GMDS: variants seen among roughly 807,000 people sequenced by gnomAD.
GMDS encodes GDP-mannose 4,6 dehydratase.
In GMDS, 20 loss-of-function variants were observed where a neutral mutation model predicts 49.9. The ratio of observed to expected loss-of-function variants is 0.40; its 90% CI spans 0.28 to 0.58. The LOEUF (loss-of-function observed/expected upper bound fraction) is 0.58, where lower values mean the gene tolerates loss of function less well. GMDS is among the 20% of genes least tolerant of loss of function. GMDS has a pLI of 0.42. For synonymous variants in GMDS, 177 were observed against 178.6 expected (o/e 0.99, Z 0.07); for missense variants, 362 against 481.4 (o/e 0.75, Z 2.32).
chr6:2,105,181 C>CAAAAAAA (rs530164439), intron 4 of GMDS, among the ~76,000 whole-genome samples: 21 of 64,402 alleles, frequency 3.3e-4, no homozygotes, highest in African/African-American at 5.4e-4. Flanking sequence ...GACTCCGTCT[C>CAAAAAAA]AAAAAAAAAA....
At chr6:1,745,788 T>C (rs138333319) in intron 7 of GMDS, among the ~76,000 whole-genome samples, 670 of 152,342 alleles carry the variant, frequency 4.4e-3, no homozygotes, top group Admixed American at 9.2e-3. Context: ...AACAGAGGGA[T>C]AGGGCTTTGT....
At chr6:1,952,259 C>T (rs1471983709) in intron 6 of GMDS, 1 of 152,100 alleles carries the variant, frequency 6.6e-6, no homozygotes, top group Non-Finnish European at 1.5e-5. Context: ...AAAATAGTAT[C>T]TAATGGCTTA....
chr6:2,091,084 T>C (rs922839641), intron 4 of GMDS, among the ~76,000 whole-genome samples: 8 of 152,208 alleles, frequency 5.3e-5, no homozygotes, highest in Admixed American at 2.0e-4. Flanking sequence ...GTTTATAGTA[T>C]GGAAGACTTC....
intron 9 of GMDS, among the ~76,000 whole-genome samples, chr6:1,693,621 G>A (rs572308382): frequency 6.6e-6 from 1 of 152,296 alleles, no homozygotes; most frequent in Admixed American, 6.5e-5. Flanking sequence ...GGGCAGGAGG[G>A]CAAATCTGTC....
At chr6:1,954,842 C>T (rs187319340) in intron 6 of GMDS, among the ~76,000 whole-genome samples, 36 of 152,164 alleles carry the variant, frequency 2.4e-4, no homozygotes, top group African/African-American at 6.0e-4. Context: ...TCTCAGGGAA[C>T]GGGGCGGCGG....
At chr6:1,927,703 G>C (rs1356426944) in intron 7 of GMDS, among the ~76,000 whole-genome samples, 1 of 152,194 alleles carries the variant, frequency 6.6e-6, no homozygotes, top group African/African-American at 2.4e-5. Context: ...TTGGCATTTG[G>C]GAAGTGAGAT....
intron 1 of GMDS, among the ~76,000 whole-genome samples, chr6:2,233,545 C>T (rs1267602383): frequency 6.6e-6 from 1 of 152,206 alleles, no homozygotes; most frequent in Non-Finnish European, 1.5e-5. Context: ...CAGGGCTTGC[C>T]GTGGTGGCTT....
chr6:1,933,530 T>C (rs1417859636), intron 6 of GMDS, among the ~76,000 whole-genome samples: 1 of 152,210 alleles, frequency 6.6e-6, no homozygotes, highest in East Asian at 1.9e-4. Flanking sequence ...TCCCCAGTAC[T>C]TGTTATGGTC....
chr6:2,102,260 A>C (rs1773969524), intron 4 of GMDS, among the ~76,000 whole-genome samples: 1 of 152,168 alleles, frequency 6.6e-6, no homozygotes, highest in South Asian at 2.1e-4. Context: ...TTAAAAGCCC[A>C]TTTAAAAATT....
At position 1,988,355 on chromosome 6, in the gene GMDS, TAA is replaced by T. The variant is rs5873826; in HGVS notation, c.346-27391_346-27390del. Among the ~76,000 whole-genome samples, 219 of 149,734 alleles carry T rather than the reference TAA, an allele frequency of 1.5e-3. 1 individual carries two copies. The highest frequency in any genetic ancestry group is 6.9e-3 in the Middle Eastern group (2 of 288). ...GCTGAAGCTAAATAAATATACAAGT[TAA>T]AAAAAAAAAAGAATGTGATAATATA... is the stretch of plus-strand genomic sequence containing the variant. On this transcript the variant is annotated intron_variant, in intron 4 of 10. Coordinates refer to ENST00000380815, the MANE Select transcript of GMDS (RefSeq NM_001500.4).
intron 6 of GMDS, chr6:1,952,069 G>C: frequency 1.2e-6 from 1 of 847,762 alleles, no homozygotes; most frequent in Non-Finnish European, 1.4e-6. Context: ...CTCCGTGTTA[G>C]CATTTATTGG....
chr6:1,970,990 G>A (rs1764574785), intron 4 of GMDS, among the ~76,000 whole-genome samples: 2 of 151,936 alleles, frequency 1.3e-5, no homozygotes, highest in African/African-American at 4.8e-5. Flanking sequence ...GGTGGGCAGG[G>A]GTGGGGGATA....
intron 7 of GMDS, among the ~76,000 whole-genome samples, chr6:1,844,402 A>G (rs1484473998): frequency 6.6e-6 from 1 of 152,220 alleles, no homozygotes; most frequent in Non-Finnish European, 1.5e-5. Flanking sequence ...AAATAGTATT[A>G]CAGCAAACCT....
chr6:1,739,792 G>A (rs1036959138), intron 8 of GMDS, among the ~76,000 whole-genome samples: 2 of 152,236 alleles, frequency 1.3e-5, no homozygotes, highest in African/African-American at 4.8e-5. Flanking sequence ...GAGCCAAGAA[G>A]CAGAGGGGCC....
chr6:1,625,568 G>A (rs2569888), intron 9 of GMDS: 53,352 of 151,996 alleles, frequency 0.35, 11,478 homozygotes, highest in African/African-American at 0.62. Context: ...AAGAAAACCA[G>A]CGGAGAAGAA....
intron 4 of GMDS, among the ~76,000 whole-genome samples, chr6:2,050,455 A>G (rs777230310): frequency 5.9e-5 from 9 of 152,250 alleles, no homozygotes; most frequent in Non-Finnish European, 1.2e-4. Context: ...AGGTACAAGG[A>G]GGAGCTGGTA....
intron 4 of GMDS, among the ~76,000 whole-genome samples, chr6:2,013,483 A>G (rs754797350): frequency 3.3e-5 from 5 of 152,210 alleles, no homozygotes; most frequent in African/African-American, 9.6e-5. Context: ...AGATTCACAT[A>G]TAACAGATTT....
At chr6:2,014,681 T>C (rs1767785590) in intron 4 of GMDS, among the ~76,000 whole-genome samples, 1 of 151,884 alleles carries the variant, frequency 6.6e-6, no homozygotes, top group African/African-American at 2.4e-5. Context: ...CTGCAAAAAA[T>C]AGAAAACTGA....
At chr6:2,167,790 C>G (rs1342518099) in intron 1 of GMDS, among the ~76,000 whole-genome samples, 2 of 152,116 alleles carry the variant, frequency 1.3e-5, no homozygotes, top group African/African-American at 4.8e-5. Context: ...ACAAGTTACA[C>G]AGACTTCCAT....
Sources: allele counts gnomAD v4.1 joint callset (sites outside exome capture counted in the v4.1 genomes callset), GRCh38; gene constraint gnomAD v4.1.1; transcripts MANE v1.5; gene names NCBI Gene and HGNC (gene_info 2026-07-23, HGNC 2026-07-21).